Variants in SHOC2 observed in about 807,000 individuals in gnomAD.
SHOC2 encodes leucine-rich repeat protein SHOC-2.
A neutral mutation model predicts 50.2 loss-of-function variants in SHOC2; 4 were observed. The ratio of observed to expected loss-of-function variants is 0.08; its 90% CI spans 0.04 to 0.18. The LOEUF (loss-of-function observed/expected upper bound fraction) is 0.18, where lower values mean the gene tolerates loss of function less well. Ranked by LOEUF, SHOC2 falls within the 10% of genes least tolerant of loss-of-function variation. The pLI is 1.00. For missense variants in SHOC2, 388 were observed against 669.6 expected (o/e 0.58, Z 4.64); for synonymous variants, 218 against 244.5 (o/e 0.89, Z 1.01).
At chr10:110,984,217 CTTG>C (rs1848036505) in intron 2 of SHOC2, among the ~76,000 whole-genome samples, 2 of 152,206 alleles carry the variant, frequency 1.3e-5, no homozygotes, top group South Asian at 4.1e-4. Context: ...GAAGTGGTAT[CTTG>C]TTGTGATTTG....
Position 110,961,954 on chromosome 10 carries a change from G to A in SHOC2, c.-234-2171G>A, listed in dbSNP as rs371996428. ...GAACTTGATAAGCTTTTGTTGAGGC[G>A]TTTATTTTTATAAAATACCTAGACC... is the stretch of plus-strand genomic sequence containing the variant. On this transcript the variant is annotated intron_variant, in intron 1 of 8. Transcript: ENST00000369452. 3.4e-3 allele frequency among the ~76,000 whole-genome samples: 511 copies of A among 151,924 alleles called. 26 individuals are homozygous for A. The South Asian group carries it at 0.093, about 28-fold the overall frequency.
intron 1 of SHOC2, among the ~76,000 whole-genome samples, chr10:110,947,302 A>G (rs1003139883): frequency 7.9e-5 from 12 of 152,208 alleles, no homozygotes; most frequent in Admixed American, 6.5e-4. Flanking sequence ...GGATCCAGTA[A>G]CTGAGGCTAG....
intron 3 of SHOC2, among the ~76,000 whole-genome samples, chr10:110,990,981 C>T (rs1228474497): frequency 6.6e-6 from 1 of 152,210 alleles, no homozygotes; most frequent in Non-Finnish European, 1.5e-5. Context: ...CTTTGTGCTT[C>T]CCATCTCTCT....
chr10:110,977,598 T>C (rs1847901097), intron 2 of SHOC2, among the ~76,000 whole-genome samples: 1 of 152,232 alleles, frequency 6.6e-6, no homozygotes, highest in Non-Finnish European at 1.5e-5. Context: ...TTTCACATTG[T>C]TGAGTCTTGG....
chr10:110,994,748 A>G (rs1848241551), intron 3 of SHOC2, among the ~76,000 whole-genome samples: 1 of 152,234 alleles, frequency 6.6e-6, no homozygotes, highest in Non-Finnish European at 1.5e-5. Context: ...ATAGGTATGT[A>G]TCAGACTATA....
chr10:110,924,020 G>C (rs573297768), intron 1 of SHOC2, among the ~76,000 whole-genome samples: 2 of 151,808 alleles, frequency 1.3e-5, no homozygotes, highest in African/African-American at 2.4e-5. Flanking sequence ...GTTACATTTG[G>C]GTTTTTTTCA....
intron 1 of SHOC2, among the ~76,000 whole-genome samples, chr10:110,920,385 T>C (rs1428434060): frequency 1.3e-5 from 2 of 152,174 alleles, no homozygotes; most frequent in African/African-American, 4.8e-5. Flanking sequence ...CCCAGGCTCA[T>C]AACACAAGAG....
At chr10:110,969,714 A>G (rs1194996296) in intron 2 of SHOC2, among the ~76,000 whole-genome samples, 1 of 152,120 alleles carries the variant, frequency 6.6e-6, no homozygotes, top group East Asian at 1.9e-4. Flanking sequence ...TGTTTTACCT[A>G]CATTGTAGGT....
chr10:111,011,669 C>G lies in SHOC2; in HGVS notation c.1600C>G (p.Pro534Ala), dbSNP rs1060501926. ...TGACAACCCCAACCTGCATAGCCTT[C>G]CCTTTGAGCTGGCACTCTGCAGCAA... is the stretch of plus-strand genomic sequence containing the variant. Reference protein sequence around the residue: ...LNDNPNLHSLPFELALCSKLS... With the variant: ...LNDNPNLHSLAFELALCSKLS... Residue 534 changes from proline to alanine, a missense_variant, in exon 9 of 9, where the codon CCC becomes GCC. By Grantham distance (27) the Pro-to-Ala change is conservative. Transcript: ENST00000369452. 5.6e-6 allele frequency: 9 copies of G among 1,613,828 alleles called. No homozygotes were observed. Among genetic ancestry groups the G allele is most frequent in the Non-Finnish European group, 8.5e-7 (1 of 1,179,918 alleles).
At chr10:110,961,466 G>T (rs1296455744) in intron 1 of SHOC2, among the ~76,000 whole-genome samples, 3 of 152,104 alleles carry the variant, frequency 2.0e-5, no homozygotes, top group African/African-American at 7.2e-5. Flanking sequence ...TATTTTTACT[G>T]GATGTGAAAA....
intron 2 of SHOC2, among the ~76,000 whole-genome samples, chr10:110,982,305 G>T (rs1300425394): frequency 6.6e-6 from 1 of 150,684 alleles, no homozygotes; most frequent in Non-Finnish European, 1.5e-5. Context: ...GAATAATGCC[G>T]CAATAAACAT....
At chr10:110,966,862 GTAATA>G (rs2134124353) in intron 2 of SHOC2, among the ~76,000 whole-genome samples, 1 of 152,192 alleles carries the variant, frequency 6.6e-6, no homozygotes, top group East Asian at 1.9e-4. Flanking sequence ...TGTAAAAATG[GTAATA>G]TCATAAATGT....
At chr10:110,978,474 G>A (rs1847915735) in intron 2 of SHOC2, among the ~76,000 whole-genome samples, 1 of 152,146 alleles carries the variant, frequency 6.6e-6, no homozygotes, top group Non-Finnish European at 1.5e-5. Flanking sequence ...CTTAAACCTA[G>A]GGTAAATTCC....
At chr10:110,946,659 G>T (rs539393323) in intron 1 of SHOC2, among the ~76,000 whole-genome samples, 3 of 152,156 alleles carry the variant, frequency 2.0e-5, no homozygotes, top group Admixed American at 6.5e-5. Flanking sequence ...CTAGAACAAA[G>T]ACTTCATGTG....
At chr10:110,956,801 T>C (rs1053434892) in intron 1 of SHOC2, among the ~76,000 whole-genome samples, 2 of 151,800 alleles carry the variant, frequency 1.3e-5, no homozygotes, top group African/African-American at 4.8e-5. Context: ...GATTGGGCCC[T>C]AGGAAAAATC....
chr10:110,957,684 C>T (rs892349993), intron 1 of SHOC2, among the ~76,000 whole-genome samples: 21 of 152,082 alleles, frequency 1.4e-4, no homozygotes, highest in Admixed American at 1.2e-3. Flanking sequence ...ATTTTTCTGC[C>T]ACACTTGCCC....
chr10:110,964,391 T>A lies in SHOC2; in HGVS notation c.33T>A (p.Ser11=). The change falls in exon 2 of 9, where the codon TCT becomes TCA. Residue 11 remains serine (S), a synonymous_variant. Transcript: ENST00000369452. This position sits in a 1 kb window ranked among gnomAD's most constrained non-coding sequence, Gnocchi z 4.9. MSSSLGKEKD[S]KEKDPKVPSA... is the part of the protein sequence containing the mutation. ...GTAGTTTAGGAAAAGAAAAAGACTC[T>A]AAAGAAAAAGATCCCAAAGTACCAT... 6.2e-7 allele frequency: 1 copy of A among 1,613,004 alleles called. No individual in the cohort carries two copies. Among genetic ancestry groups the A allele is most frequent in the South Asian group, 1.1e-5 (1 of 90,850 alleles).
At chr10:110,923,239 T>G (rs1264701344) in intron 1 of SHOC2, among the ~76,000 whole-genome samples, 1 of 152,098 alleles carries the variant, frequency 6.6e-6, no homozygotes, top group Non-Finnish European at 1.5e-5. Context: ...GAATAATTTC[T>G]GAATTACAGA....
At chr10:110,955,492 GA>G (rs1184178974) in intron 1 of SHOC2, among the ~76,000 whole-genome samples, 24 of 152,254 alleles carry the variant, frequency 1.6e-4, no homozygotes, top group South Asian at 4.1e-4. Context: ...GATTGGGGGG[GA>G]AATCTATTGA....
Sources: allele counts gnomAD v4.1 joint callset (sites outside exome capture counted in the v4.1 genomes callset), GRCh38; gene constraint gnomAD v4.1.1; non-coding constraint Gnocchi (gnomAD v3.1); transcripts MANE v1.5; gene names NCBI Gene and HGNC (gene_info 2026-07-23, HGNC 2026-07-21).